Variants in COL23A1 observed in about 807,000 individuals in gnomAD.
COL23A1 encodes collagen alpha-1(XXIII) chain.
A neutral mutation model predicts 99.3 loss-of-function variants in COL23A1; 97 were observed. The ratio of observed to expected loss-of-function variants is 0.98; its 90% CI spans 0.83 to 1.16. The LOEUF (loss-of-function observed/expected upper bound fraction) is 1.16, where lower values mean the gene tolerates loss of function less well. Ranked by LOEUF, COL23A1 falls within the 50% of genes most tolerant of loss-of-function variation. The probability of loss-of-function intolerance (pLI) is 0.00; values close to 1 mark genes in which losing one functional copy is unlikely to be tolerated. For synonymous variants in COL23A1, 320 were observed against 308.2 expected (o/e 1.04, Z -0.40); for missense variants, 762 against 757.4 (o/e 1.01, Z -0.07).
At chr5:178,320,149 A>T (rs539479507) in intron 2 of COL23A1, among the ~76,000 whole-genome samples, 1 of 152,170 alleles carries the variant, frequency 6.6e-6, no homozygotes, top group Non-Finnish European at 1.5e-5. Flanking sequence ...ACTTATTTCT[A>T]TGAAAATTGC....
At position 178,255,085 on chromosome 5, in the gene COL23A1, G is replaced by C; in HGVS notation, c.883-59C>G. ...AGAGCTACACTGAGTTGGAGGTGAA[G>C]TGGCAGCTGTCCCTGCATCACATCC... On this transcript the variant is annotated intron_variant, in intron 15 of 28. Transcript: ENST00000390654. This position sits in a 1 kb window ranked among gnomAD's most constrained non-coding sequence, Gnocchi z 4.2. The C allele has an allele frequency of 7.2e-7, 1 of 1,396,312 alleles. No individual in the cohort carries two copies. The allele number at this position is 1,396,312 out of a possible 1,614,324, so 86.5% of individuals were successfully genotyped here.
At position 178,263,195 on chromosome 5, in the gene COL23A1, T is replaced by C. The variant is rs760704061; in HGVS notation, c.639+13A>G. On this transcript the variant is annotated intron_variant, in intron 9 of 28. Coordinates refer to ENST00000390654, the MANE Select transcript of COL23A1 (RefSeq NM_173465.4). ...TCAAGTCCTGCGTGGCCCAACTCCA[T>C]GCCCTCTCTTACCGCTGGGCCTTGT... is the stretch of plus-strand genomic sequence containing the variant. 1.9e-6 allele frequency: 3 copies of C among 1,592,662 alleles called. No homozygotes were observed. In the South Asian group the frequency reaches 3.3e-5, roughly 18 times the overall value.
chr5:178,357,331 G>T (rs1052296553), intron 2 of COL23A1, among the ~76,000 whole-genome samples: 2 of 152,070 alleles, frequency 1.3e-5, no homozygotes, highest in East Asian at 3.9e-4. Context: ...TCTGTGAGCC[G>T]GCGGAAGTGC....
chr5:178,255,991 GA>G lies in COL23A1; in HGVS notation c.882+361del. 8.5e-6 allele frequency: 2 copies of G among 235,236 alleles called. No individual in the cohort carries two copies. The highest frequency in any genetic ancestry group is 1.8e-5 in the Non-Finnish European group (2 of 113,854). 14.6% of individuals were successfully genotyped at this position (235,236 alleles called of 1,614,324 possible). On this transcript the variant is annotated intron_variant, in intron 15 of 28. Transcript: ENST00000390654. The surrounding 1 kb of genome is among the most constrained non-coding windows in gnomAD (Gnocchi z 4.2). Reference sequence around the variant, plus strand: ...GGGACAAACCTCCCTGTGGGGTGGGGAAAAGGCAAGGCCTGGCCCACTGTGG... The same window carrying G: ...GGGACAAACCTCCCTGTGGGGTGGGGAAAGGCAAGGCCTGGCCCACTGTGG...
At chr5:178,282,675 C>CAT (rs1756961156) in intron 5 of COL23A1, among the ~76,000 whole-genome samples, 1 of 152,188 alleles carries the variant, frequency 6.6e-6, no homozygotes, top group African/African-American at 2.4e-5. Context: ...CCACTAGCCT[C>CAT]CCATGGTGAG....
Position 178,365,132 on chromosome 5 carries a change from TGTGC to T in COL23A1, c.362-58217_362-58214del, listed in dbSNP as rs1030600716. Among the ~76,000 whole-genome samples the T allele has an allele frequency of 1.5e-4, 17 of 114,472 alleles. No individual in the cohort carries two copies. The highest frequency in any genetic ancestry group is 2.4e-4 in the Non-Finnish European group (13 of 54,032). The allele number at this position is 114,472 out of a possible 152,430, so 75.1% of individuals were successfully genotyped here. ...GGGTGGGCTTTATGATGTTGCTGTG[TGTGC>T]GTGTGTGTGTGTGTGTGTGTGTGTG... On this transcript the variant is annotated intron_variant, in intron 2 of 28. Coordinates refer to ENST00000390654, the MANE Select transcript of COL23A1 (RefSeq NM_173465.4). The surrounding 1 kb of genome is among the most constrained non-coding windows in gnomAD (Gnocchi z 5.2).
rs1223542330 is a variant in COL23A1 at position 178,523,201 on chromosome 5, T to TATAGAG, written c.361+37480_361+37481insCTCTAT. Among the ~76,000 whole-genome samples, 333 of 77,576 alleles carry TATAGAG rather than the reference T, an allele frequency of 4.3e-3. 2 individuals are homozygous for TATAGAG. Among genetic ancestry groups the TATAGAG allele is most frequent in the Non-Finnish European group, 5.9e-3 (234 of 39,638 alleles). 50.9% of individuals were successfully genotyped at this position (77,576 alleles called of 152,430 possible). A position where few individuals can be genotyped will look rare whatever the true frequency, so the allele number is the denominator to read the frequency against. The stretch of plus-strand genomic sequence containing the variant: ...ATACACATATATATATATATATATA[T>TATAGAG]AGAGAGAGAGAGAGAGAGAGAGAGA... On this transcript the variant is annotated intron_variant, in intron 2 of 28. Transcript: ENST00000390654.
chr5:178,457,278 A>T (rs1452425173), intron 2 of COL23A1, among the ~76,000 whole-genome samples: 1 of 152,160 alleles, frequency 6.6e-6, no homozygotes, highest in African/African-American at 2.4e-5. Flanking sequence ...CAGTGGCACA[A>T]TCTCGGCTCA....
At chr5:178,500,089 A>G (rs1383771132) in intron 2 of COL23A1, among the ~76,000 whole-genome samples, 1 of 152,126 alleles carries the variant, frequency 6.6e-6, no homozygotes, top group East Asian at 1.9e-4. Context: ...GAAGGATTAC[A>G]AAGAGGCAGG....
Position 178,248,264 on chromosome 5 carries a change from G to A in COL23A1, c.1150-10C>T, listed in dbSNP as rs998175223. The stretch of plus-strand genomic sequence containing the variant: ...TGAGGCCGTCAGCGCCCTGCAGGAC[G>A]GCAATGGCCTGTGAGTCCTTTGTGT... On this transcript the variant is annotated splice_polypyrimidine_tract_variant and intron_variant, in intron 19 of 28. Coordinates refer to ENST00000390654, the MANE Select transcript of COL23A1 (RefSeq NM_173465.4). 30 of 1,608,874 alleles carry A rather than the reference G, an allele frequency of 1.9e-5. No homozygotes were observed. In the Admixed American group the frequency reaches 3.0e-4, roughly 16 times the overall value.
intron 2 of COL23A1, among the ~76,000 whole-genome samples, chr5:178,399,242 C>T (rs944893985): frequency 1.3e-5 from 2 of 152,220 alleles, no homozygotes; most frequent in Non-Finnish European, 2.9e-5. Context: ...CCCTCCCTCA[C>T]GTGCTGGGGA....
chr5:178,409,900 A>G (rs1764975778), intron 2 of COL23A1, among the ~76,000 whole-genome samples: 2 of 152,354 alleles, frequency 1.3e-5, no homozygotes, highest in South Asian at 4.1e-4. Context: ...TAAATATAAA[A>G]TAAATAAAAT....
At chr5:178,352,925 C>A (rs999628314) in intron 2 of COL23A1, among the ~76,000 whole-genome samples, 1 of 152,192 alleles carries the variant, frequency 6.6e-6, no homozygotes, top group African/African-American at 2.4e-5. Flanking sequence ...GAAGAGTTGG[C>A]AAGCTGCTCT....
At chr5:178,273,915 C>G (rs1434298701) in intron 5 of COL23A1, among the ~76,000 whole-genome samples, 1 of 152,182 alleles carries the variant, frequency 6.6e-6, no homozygotes, top group Non-Finnish European at 1.5e-5. Context: ...GGAAGTTGGG[C>G]CAGCCCTCTG....
chr5:178,585,311 C>T (rs1012642647), intron 1 of COL23A1, among the ~76,000 whole-genome samples: 3 of 150,190 alleles, frequency 2.0e-5, no homozygotes, highest in South Asian at 2.1e-4. Flanking sequence ...CCACGGCTGA[C>T]CCTGGGGTAA....
chr5:178,293,309 A>G (rs1757562205), intron 3 of COL23A1, among the ~76,000 whole-genome samples: 1 of 151,940 alleles, frequency 6.6e-6, no homozygotes, highest in Admixed American at 6.6e-5. Flanking sequence ...GCTGGCACAG[A>G]TGGGGGCCTG....
intron 3 of COL23A1, among the ~76,000 whole-genome samples, chr5:178,301,611 C>T (rs1409759287): frequency 7.2e-5 from 11 of 152,324 alleles, no homozygotes; most frequent in Admixed American, 6.5e-4. Flanking sequence ...TGTTGCTCTC[C>T]GTTGAGGGCC....
At chr5:178,259,647 C>G (rs28433728) in intron 12 of COL23A1, 74 bp downstream of exon 12, 2 of 1,405,290 alleles carry the variant, frequency 1.4e-6, no homozygotes, top group African/African-American at 1.4e-5. Flanking sequence ...ATCCCCATTC[C>G]GTCCCAGCCC....
chr5:178,586,157 C>G lies in COL23A1; in HGVS notation c.294+3747G>C, dbSNP rs369571049. Among the ~76,000 whole-genome samples the G allele has an allele frequency of 7.6e-4, 116 of 152,318 alleles. 1 individual carries two copies. The South Asian group carries it at 0.013, about 17-fold the overall frequency. On this transcript the variant is annotated intron_variant, in intron 1 of 28. Coordinates refer to ENST00000390654, the MANE Select transcript of COL23A1 (RefSeq NM_173465.4). ...GGTGTGGCCAAGTCGCTGACAGACC[C>G]AGGATGCGCTGACCGTCTTCCAAGC...
Sources: allele counts gnomAD v4.1 joint callset (sites outside exome capture counted in the v4.1 genomes callset), GRCh38; gene constraint gnomAD v4.1.1; non-coding constraint Gnocchi (gnomAD v3.1); transcripts MANE v1.5; gene names NCBI Gene and HGNC (gene_info 2026-07-23, HGNC 2026-07-21).